Variants in EDIL3 observed in about 807,000 individuals in gnomAD.
The protein encoded by EDIL3 is EGF-like repeat and discoidin I-like domain-containing protein 3.
In EDIL3, 37 loss-of-function variants were observed where a neutral mutation model predicts 67.4. The observed-to-expected ratio is 0.55, with a 90% CI of 0.42 to 0.72. The LOEUF (loss-of-function observed/expected upper bound fraction) is 0.72. EDIL3 is among the 30% of genes least tolerant of loss of function. EDIL3 has a pLI of 0.00. For missense variants in EDIL3, 527 were observed against 586.3 expected (o/e 0.90, Z 1.04); for synonymous variants, 195 against 196.3 (o/e 0.99, Z 0.05).
In EDIL3 at chr5:83,979,650, T is replaced by G. The variant is rs148211272; in HGVS notation, c.1138-16290A>C. Among the ~76,000 whole-genome samples, 445 of 152,170 alleles carry G rather than the reference T, an allele frequency of 2.9e-3. 1 individual carries two copies. The highest frequency in any genetic ancestry group is 1.0e-2 in the African/African-American group (415 of 41,544). On this transcript the variant is annotated intron_variant, in intron 9 of 10. Transcript: ENST00000296591. ...AATGAGATAATACATTGCAGATGAATATGAACGTTTATATTTTTTAACTTT... is the reference window on the plus strand; with the variant it reads ...AATGAGATAATACATTGCAGATGAAGATGAACGTTTATATTTTTTAACTTT...
At chr5:84,364,846 C>T (rs1468018634) in intron 1 of EDIL3, among the ~76,000 whole-genome samples, 1 of 151,966 alleles carries the variant, frequency 6.6e-6, no homozygotes, top group Non-Finnish European at 1.5e-5. Flanking sequence ...TAACCCGAAA[C>T]TTTAATACCT....
intron 10 of EDIL3, among the ~76,000 whole-genome samples, 160 bp downstream of exon 10, chr5:83,963,045 C>A (rs892345735): frequency 3.3e-5 from 5 of 151,452 alleles, no homozygotes; most frequent in African/African-American, 1.2e-4. Context: ...GACTGCAACC[C>A]CTTTACAGTA....
intron 1 of EDIL3, among the ~76,000 whole-genome samples, chr5:84,377,196 C>T (rs375328483): frequency 5.3e-5 from 8 of 151,818 alleles, no homozygotes; most frequent in African/African-American, 1.9e-4. Flanking sequence ...GCCTGTAGTC[C>T]CAGCTATTCA....
intron 6 of EDIL3, among the ~76,000 whole-genome samples, chr5:84,103,568 A>G (rs1229240231): frequency 6.6e-6 from 1 of 152,162 alleles, no homozygotes. Context: ...ACATAAACAG[A>G]CAATTTTCAA....
intron 4 of EDIL3, among the ~76,000 whole-genome samples, chr5:84,151,815 T>C (rs1325398868): frequency 6.6e-6 from 1 of 152,176 alleles, no homozygotes; most frequent in African/African-American, 2.4e-5. Flanking sequence ...TTGATGTGTA[T>C]GTTTTCTGTA....
intron 3 of EDIL3, among the ~76,000 whole-genome samples, chr5:84,204,457 TA>T (rs1561219598): frequency 6.6e-6 from 1 of 152,240 alleles, no homozygotes; most frequent in Non-Finnish European, 1.5e-5. Context: ...TTTTATAATA[TA>T]GTTCCATGTC....
intron 9 of EDIL3, among the ~76,000 whole-genome samples, chr5:84,005,896 T>C: frequency 6.6e-6 from 1 of 152,030 alleles, no homozygotes. Flanking sequence ...TCCTCGCAGA[T>C]GATATGATTT....
intron 4 of EDIL3, among the ~76,000 whole-genome samples, chr5:84,137,943 C>G (rs1220897512): frequency 6.6e-6 from 1 of 152,198 alleles, no homozygotes; most frequent in Non-Finnish European, 1.5e-5. Context: ...GTGAGGATGA[C>G]TAAAGGGACT....
chr5:84,083,628 T>A (rs1747017081), intron 6 of EDIL3, among the ~76,000 whole-genome samples: 1 of 152,160 alleles, frequency 6.6e-6, no homozygotes, highest in Admixed American at 6.5e-5. Flanking sequence ...AAGCCAAAAT[T>A]TTTTCATCTA....
intron 9 of EDIL3, among the ~76,000 whole-genome samples, chr5:83,972,681 T>C (rs1744813954): frequency 6.6e-6 from 1 of 151,966 alleles, no homozygotes; most frequent in Non-Finnish European, 1.5e-5. Context: ...CGAATGAAAG[T>C]CCATCCATCA....
At chr5:84,174,403 T>A (rs757476101) in intron 4 of EDIL3, among the ~76,000 whole-genome samples, 155 of 152,266 alleles carry the variant, frequency 1.0e-3, no homozygotes, top group Middle Eastern at 3.4e-3. Flanking sequence ...TGGAATACAC[T>A]CTCATATATG....
At chr5:83,966,715 ATTTATCGTGTGTACAGAAG>A (rs1245169001) in intron 9 of EDIL3, among the ~76,000 whole-genome samples, 1 of 152,056 alleles carries the variant, frequency 6.6e-6, no homozygotes, top group African/African-American at 2.4e-5. Context: ...ATGAGGTAAT[ATTTATCGTGTGTACAGAAG>A]TAGGTATAGC....
intron 1 of EDIL3, among the ~76,000 whole-genome samples, chr5:84,360,918 CTTATAA>C (rs1284264915): frequency 3.3e-5 from 5 of 152,014 alleles, no homozygotes; most frequent in Non-Finnish European, 7.4e-5. Context: ...CAAAGAATGT[CTTATAA>C]TTATATAGCA....
intron 5 of EDIL3, among the ~76,000 whole-genome samples, chr5:84,109,594 C>A (rs1747523538): frequency 1.3e-5 from 2 of 152,146 alleles, no homozygotes; most frequent in African/African-American, 4.8e-5. Flanking sequence ...AGGGTTATAT[C>A]TTATACAAAG....
chr5:84,291,497 C>T (rs2650474), intron 1 of EDIL3, among the ~76,000 whole-genome samples: 38,939 of 151,218 alleles, frequency 0.26, 5,986 homozygotes, highest in Non-Finnish European at 0.35. Context: ...GGTGTGTGTG[C>T]CAAAACATTT....
intron 1 of EDIL3, among the ~76,000 whole-genome samples, chr5:84,294,086 A>T (rs538453791): frequency 1.3e-5 from 2 of 151,898 alleles, no homozygotes; most frequent in Non-Finnish European, 2.9e-5. Context: ...TAATGACCAT[A>T]AATTAAGTCA....
chr5:84,023,003 G>A (rs1745746615), intron 9 of EDIL3, among the ~76,000 whole-genome samples: 1 of 151,792 alleles, frequency 6.6e-6, no homozygotes, highest in South Asian at 2.1e-4. Context: ...ACAAATACAA[G>A]TACACCATAA....
chr5:84,205,080 A>ATT (rs60872462), intron 3 of EDIL3, among the ~76,000 whole-genome samples: 25 of 140,812 alleles, frequency 1.8e-4, no homozygotes, highest in African/African-American at 6.3e-4. Context: ...GCCCTGGAAG[A>ATT]TTTTTTTTTT....
intron 9 of EDIL3, among the ~76,000 whole-genome samples, chr5:83,963,983 T>G (rs956384972): frequency 6.6e-6 from 1 of 151,860 alleles, no homozygotes; most frequent in African/African-American, 2.4e-5. Context: ...AAGGCAAATA[T>G]TCTTCAAAAA....
Sources: gnomAD v4.1 joint callset for allele counts (sites outside exome capture counted in the v4.1 genomes callset) on GRCh38, gnomAD v4.1.1 for gene constraint, MANE v1.5 for transcripts, NCBI Gene and HGNC (gene_info 2026-07-23, HGNC 2026-07-21) for gene names.